The following CHRM3 variants were observed in gnomAD, a reference collection of about 807,000 sequenced individuals.
The protein encoded by CHRM3 is cholinergic receptor muscarinic 3.
In CHRM3, 11 loss-of-function variants were observed where a neutral mutation model predicts 41.8. That is an observed-to-expected ratio of 0.26 (90% confidence interval 0.17 to 0.44). The LOEUF is 0.44. Among genes scored for constraint, CHRM3 ranks in the 20% least tolerant of loss-of-function variants. The pLI is 1.00. For synonymous variants in CHRM3, 297 were observed against 301.4 expected, an observed-to-expected ratio of 0.99 and a Z score of 0.15; for missense variants, 571 against 745.4, an observed-to-expected ratio of 0.77 and a Z score of 2.72.
At chr1:239,670,840 G>T (rs61834816) in intron 4 of CHRM3, among the ~76,000 whole-genome samples, 4,323 of 152,094 alleles carry the variant, frequency 0.028, 98 homozygotes, top group Admixed American at 0.057. Context: ...GGTGACTGTG[G>T]ATAGTTTCTG....
chr1:239,774,513 T>C (rs1667944760), intron 5 of CHRM3, among the ~76,000 whole-genome samples: 1 of 152,160 alleles, frequency 6.6e-6, no homozygotes, highest in African/African-American at 2.4e-5. Context: ...CAGAATGAAA[T>C]TTCTTTTGAG....
chr1:239,820,731 A>G (rs566152388), intron 5 of CHRM3, among the ~76,000 whole-genome samples: 1 of 152,296 alleles, frequency 6.6e-6, no homozygotes, highest in African/African-American at 2.4e-5. Context: ...GGTGACCAAA[A>G]GTTGTGCCCT....
At chr1:239,890,799 G>C (rs962704675) in intron 6 of CHRM3, among the ~76,000 whole-genome samples, 3 of 152,116 alleles carry the variant, frequency 2.0e-5, no homozygotes, top group African/African-American at 7.2e-5. Context: ...TTTGAATCTG[G>C]GAGTTGGCAA....
intron 5 of CHRM3, among the ~76,000 whole-genome samples, chr1:239,768,679 C>T (rs1466502877): frequency 6.6e-6 from 1 of 152,148 alleles, no homozygotes; most frequent in East Asian, 1.9e-4. Context: ...ATGTAGAGGG[C>T]TGAGAATGTT....
chr1:239,427,108 G>T (rs1177294946), intron 1 of CHRM3, among the ~76,000 whole-genome samples: 5 of 152,148 alleles, frequency 3.3e-5, no homozygotes, highest in African/African-American at 1.2e-4. Flanking sequence ...ATTGGAAAAA[G>T]ATTGGGTGAT....
At position 239,907,752 on chromosome 1, in the gene CHRM3, A is replaced by G; in HGVS notation, c.301A>G (p.Thr101Ala). 6.2e-7 allele frequency: 1 copy of G among 1,614,210 alleles called. No homozygotes were observed. Among genetic ancestry groups the G allele is most frequent in the South Asian group, 1.1e-5 (1 of 91,082 alleles). The change falls in exon 7 of 7, where the codon ACG (threonine) becomes GCG (alanine). Residue 101 changes from threonine to alanine, a missense_variant. Around this residue, in one of 5 missense-constraint regions of CHRM3, gnomAD observed 153 missense variants for 296.3 expected, o/e 0.52. Coordinates refer to ENST00000676153, the MANE Select transcript of CHRM3 (RefSeq NM_001375978.1). This position sits in a 1 kb window ranked among gnomAD's most constrained non-coding sequence, Gnocchi z 5.4. ...ATTTAAGGTCAACAAGCAGCTGAAG[A>G]CGGTCAACAACTACTTCCTCTTAAG... The part of the protein sequence containing the change: ...VSFKVNKQLK[T>A]VNNYFLLSLA...
At chr1:239,853,611 A>C (rs976806654) in intron 6 of CHRM3, among the ~76,000 whole-genome samples, 1 of 151,984 alleles carries the variant, frequency 6.6e-6, no homozygotes, top group Admixed American at 6.6e-5. Flanking sequence ...ATACTCTTTT[A>C]CCTCTTCTGT....
At chr1:239,521,936 A>G (rs977236760) in intron 2 of CHRM3, among the ~76,000 whole-genome samples, 1 of 152,210 alleles carries the variant, frequency 6.6e-6, no homozygotes, top group Non-Finnish European at 1.5e-5. Context: ...ATTTCATATA[A>G]GGGACATGAG....
chr1:239,868,527 C>T (rs1676309341), intron 6 of CHRM3, among the ~76,000 whole-genome samples: 1 of 152,104 alleles, frequency 6.6e-6, no homozygotes, highest in Non-Finnish European at 1.5e-5. Context: ...AGGCAAAGAC[C>T]ACTACTATAA....
chr1:239,656,330 T>TA lies in CHRM3; in HGVS notation c.-249-21856_-249-21855insA, dbSNP rs199765021. On this transcript the variant is annotated intron_variant, in intron 4 of 6. Coordinates refer to ENST00000676153, the MANE Select transcript of CHRM3 (RefSeq NM_001375978.1). ...AAATTGTTTAATAAAATATTTTTTT[T>TA]TAAAAAAAGGGTTAGGTATGATAGC... 4.5e-3 allele frequency among the ~76,000 whole-genome samples: 525 copies of TA among 116,812 alleles called. 1 individual carries two copies. Among genetic ancestry groups the TA allele is most frequent in the Middle Eastern group, 7.9e-3 (2 of 254 alleles). The allele number at this position is 116,812 out of a possible 152,430, so 76.6% of individuals were successfully genotyped here. A position where few individuals can be genotyped will look rare whatever the true frequency, so the allele number is the denominator to read the frequency against.
chr1:239,414,751 C>T (rs963040008), intron 1 of CHRM3, among the ~76,000 whole-genome samples: 6 of 152,110 alleles, frequency 3.9e-5, no homozygotes, highest in Non-Finnish European at 5.9e-5. Context: ...AGCTTCTGGC[C>T]TTAAGGAACA....
At chr1:239,759,160 T>A (rs938439095) in intron 5 of CHRM3, among the ~76,000 whole-genome samples, 9 of 134,708 alleles carry the variant, frequency 6.7e-5, no homozygotes, top group Non-Finnish European at 1.4e-4. Context: ...TTTATGGGTT[T>A]TTTTTTTTGT....
intron 1 of CHRM3, among the ~76,000 whole-genome samples, chr1:239,453,706 A>G (rs1489299625): frequency 6.6e-6 from 1 of 152,188 alleles, no homozygotes; most frequent in Non-Finnish European, 1.5e-5. Flanking sequence ...TACTGCAAAT[A>G]CTCTAAAAGT....
chr1:239,670,332 T>C (rs1674232332), intron 4 of CHRM3, among the ~76,000 whole-genome samples: 1 of 152,184 alleles, frequency 6.6e-6, no homozygotes, highest in Non-Finnish European at 1.5e-5. Context: ...TAGAGCTTTA[T>C]AAAAATAAAA....
chr1:239,676,435 T>A (rs1300395435), intron 4 of CHRM3, among the ~76,000 whole-genome samples: 1 of 152,180 alleles, frequency 6.6e-6, no homozygotes, highest in Admixed American at 6.5e-5. Context: ...TGCCCCATGC[T>A]TGCATTTATG....
chr1:239,861,191 T>G (rs181623832), intron 6 of CHRM3, among the ~76,000 whole-genome samples: 1 of 152,168 alleles, frequency 6.6e-6, no homozygotes, highest in Admixed American at 6.5e-5. Flanking sequence ...ATGAAGCTTA[T>G]AAAGGAAAAG....
chr1:239,449,753 T>TGC (rs146469490), intron 1 of CHRM3, among the ~76,000 whole-genome samples: 58 of 151,580 alleles, frequency 3.8e-4, no homozygotes, highest in African/African-American at 1.3e-3. Flanking sequence ...TGTGTGTGTG[T>TGC]GCGTGTGTGT....
intron 2 of CHRM3, among the ~76,000 whole-genome samples, chr1:239,543,183 G>A (rs1658945518): frequency 6.6e-6 from 1 of 152,174 alleles, no homozygotes; most frequent in Non-Finnish European, 1.5e-5. Flanking sequence ...ATGCCATCCT[G>A]GCACATTGCA....
chr1:239,457,591 G>A (rs553708291), intron 1 of CHRM3, among the ~76,000 whole-genome samples: 20 of 152,100 alleles, frequency 1.3e-4, no homozygotes, highest in Non-Finnish European at 2.1e-4. Context: ...TGCAAGCAAA[G>A]CCATAGTTCC....
Sources: allele counts gnomAD v4.1 joint callset (sites outside exome capture counted in the v4.1 genomes callset), GRCh38; gene constraint gnomAD v4.1.1; regional missense constraint gnomAD v4.1.1; non-coding constraint Gnocchi (gnomAD v3.1); transcripts MANE v1.5; gene names NCBI Gene and HGNC (gene_info 2026-07-23, HGNC 2026-07-21).